SEMA5A: variants seen among roughly 807,000 people sequenced by gnomAD.
SEMA5A encodes the protein semaphorin-5A.
A neutral mutation model predicts 135.5 loss-of-function variants in SEMA5A; 55 were observed. That is an observed-to-expected ratio of 0.41 (90% CI 0.33 to 0.51). The LOEUF is 0.51. Among genes scored for constraint, SEMA5A ranks in the 20% least tolerant of loss-of-function variants. The pLI is 0.37. For missense variants in SEMA5A, 1,290 were observed against 1,419.9 expected (o/e 0.91, Z 1.47); for synonymous variants, 580 against 546.5 (o/e 1.06, Z -0.85).
intron 8 of SEMA5A, among the ~76,000 whole-genome samples, chr5:9,221,571 G>A (rs1218024997): frequency 9.2e-5 from 14 of 151,998 alleles, no homozygotes; most frequent in Non-Finnish European, 1.6e-4. Flanking sequence ...CAAAGTGCTG[G>A]GATTACAGGC....
chr5:9,463,530 T>G (rs1427945819), intron 1 of SEMA5A, among the ~76,000 whole-genome samples: 2 of 152,020 alleles, frequency 1.3e-5, no homozygotes, highest in African/African-American at 4.8e-5. Context: ...GTAAACATAG[T>G]GAAGTTGCTA....
chr5:9,526,234 C>T (rs373892485), intron 1 of SEMA5A, among the ~76,000 whole-genome samples: 67 of 152,318 alleles, frequency 4.4e-4, no homozygotes, highest in African/African-American at 1.5e-3. Flanking sequence ...AAGTTCTCCT[C>T]TTTTCCATTT....
At chr5:9,065,541 A>C (rs1164234830) in intron 17 of SEMA5A, among the ~76,000 whole-genome samples, 1 of 152,218 alleles carries the variant, frequency 6.6e-6, no homozygotes, top group African/African-American at 2.4e-5. Flanking sequence ...AGGTAGAATC[A>C]CCTGTGCAAA....
Position 9,136,627 on chromosome 5 carries a change from A to AAC in SEMA5A, c.1482-8_1482-7dup. On this transcript the variant is annotated splice_region_variant and splice_polypyrimidine_tract_variant and intron_variant, in intron 12 of 22. Transcript: ENST00000382496. ...CCTGGGCCCCAATGCAGGTGCTGGA[A>AAC]ACACACACCAAATGGTCAACAGAAA... The AAC allele has an allele frequency of 8.1e-6, 13 of 1,608,576 alleles. No homozygotes were observed. Among genetic ancestry groups the AAC allele is most frequent in the Non-Finnish European group, 1.0e-5 (12 of 1,175,074 alleles).
At chr5:9,185,625 C>G (rs569558477) in intron 11 of SEMA5A, among the ~76,000 whole-genome samples, 1 of 152,058 alleles carries the variant, frequency 6.6e-6, no homozygotes, top group Non-Finnish European at 1.5e-5. Context: ...AATTTGCATG[C>G]CATAAAATTC....
intron 2 of SEMA5A, among the ~76,000 whole-genome samples, chr5:9,391,788 A>G (rs1561214783): frequency 6.6e-6 from 1 of 152,174 alleles, no homozygotes; most frequent in Non-Finnish European, 1.5e-5. Flanking sequence ...ATCCAGATAA[A>G]TCTTTGTAAA....
chr5:9,481,610 C>A (rs1385276584), intron 1 of SEMA5A, among the ~76,000 whole-genome samples: 1 of 152,176 alleles, frequency 6.6e-6, no homozygotes, highest in Non-Finnish European at 1.5e-5. Context: ...ATAACCTTAG[C>A]ACTTCCATTT....
At chr5:9,123,424 G>A (rs770318146) in intron 13 of SEMA5A, among the ~76,000 whole-genome samples, 1 of 150,714 alleles carries the variant, frequency 6.6e-6, no homozygotes, top group Non-Finnish European at 1.5e-5. Flanking sequence ...AGAAGAAGAA[G>A]GAAAAGGAGG....
chr5:9,418,143 AT>A (rs1757345533), intron 2 of SEMA5A, among the ~76,000 whole-genome samples: 1 of 151,884 alleles, frequency 6.6e-6, no homozygotes, highest in African/African-American at 2.4e-5. Context: ...TGCCCGGCTA[AT>A]TTTTTGTATT....
chr5:9,517,363 A>G (rs2126862231), intron 1 of SEMA5A: 1 of 152,384 alleles, frequency 6.6e-6, no homozygotes, highest in South Asian at 2.1e-4. Flanking sequence ...ATGTGGCATC[A>G]ATACTCACTT....
chr5:9,359,716 T>G (rs557167149), intron 3 of SEMA5A, among the ~76,000 whole-genome samples: 92 of 152,362 alleles, frequency 6.0e-4, no homozygotes, highest in African/African-American at 2.0e-3. Flanking sequence ...CCATGTTGGC[T>G]TGTTAGGCAA....
chr5:9,480,787 C>A (rs1759846161), intron 1 of SEMA5A, among the ~76,000 whole-genome samples: 1 of 152,036 alleles, frequency 6.6e-6, no homozygotes, highest in Non-Finnish European at 1.5e-5. Flanking sequence ...CTGTTCCTGC[C>A]CTAACTTTCC....
At chr5:9,536,619 G>GA (rs199742682) in intron 1 of SEMA5A, among the ~76,000 whole-genome samples, 46,378 of 139,350 alleles carry the variant, frequency 0.33, 7,340 homozygotes, top group Non-Finnish European at 0.34. Context: ...TCTCAAAAAA[G>GA]AAAAAAAAAA....
chr5:9,148,194 T>C (rs1579482000), intron 12 of SEMA5A, among the ~76,000 whole-genome samples: 1 of 152,242 alleles, frequency 6.6e-6, no homozygotes, highest in African/African-American at 2.4e-5. Context: ...GATTAACCTA[T>C]GTAATTTAAT....
intron 5 of SEMA5A, among the ~76,000 whole-genome samples, chr5:9,300,359 G>T (rs1281418423): frequency 5.3e-5 from 8 of 152,130 alleles, no homozygotes; most frequent in Non-Finnish European, 8.8e-5. Context: ...CATGTCCTGG[G>T]TGCTGAACAG....
chr5:9,376,272 G>A (rs929368106), intron 3 of SEMA5A, among the ~76,000 whole-genome samples: 3 of 152,068 alleles, frequency 2.0e-5, no homozygotes, highest in Admixed American at 6.6e-5. Flanking sequence ...CCTCCATATC[G>A]TAAAATAAGA....
intron 16 of SEMA5A, among the ~76,000 whole-genome samples, chr5:9,092,349 G>A (rs1015986955): frequency 1.2e-4 from 19 of 152,166 alleles, no homozygotes; most frequent in Non-Finnish European, 2.4e-4. Context: ...ATTGGAATTC[G>A]CACCATTTTA....
At chr5:9,265,392 C>G (rs1432757306) in intron 5 of SEMA5A, 2 of 455,824 alleles carry the variant, frequency 4.4e-6, no homozygotes, top group Non-Finnish European at 8.8e-6. Context: ...ATTTATCTAA[C>G]AAGTCAATCC....
chr5:9,448,300 G>A (rs1758507191), intron 1 of SEMA5A, among the ~76,000 whole-genome samples: 1 of 152,162 alleles, frequency 6.6e-6, no homozygotes, highest in Admixed American at 6.5e-5. Flanking sequence ...ACATTCAATG[G>A]ATGTCCACTC....
Sources: allele counts gnomAD v4.1 joint callset (sites outside exome capture counted in the v4.1 genomes callset), GRCh38; gene constraint gnomAD v4.1.1; transcripts MANE v1.5; gene names NCBI Gene and HGNC (gene_info 2026-07-23, HGNC 2026-07-21).